MOB3A: variants seen among roughly 807,000 people sequenced by gnomAD.
MOB3A encodes MOB LAK.
MOB3A carries 17 observed loss-of-function variants against 17.8 expected under a neutral mutation model. That is an observed-to-expected ratio of 0.95 (90% CI 0.65 to 1.43). The LOEUF (loss-of-function observed/expected upper bound fraction) is 1.43. MOB3A is among the 40% of genes most tolerant of loss of function. The pLI is 0.00. For missense variants in MOB3A, 333 were observed against 310.8 expected (o/e 1.07, Z -0.54); for synonymous variants, 124 against 133.2 (o/e 0.93, Z 0.48).
chr19:2,089,741 G>C (rs1437546161), intron 1 of MOB3A, among the ~76,000 whole-genome samples: 1 of 152,146 alleles, frequency 6.6e-6, no homozygotes, highest in East Asian at 1.9e-4. Flanking sequence ...GTTTATTCTG[G>C]TGTCTGGTGT....
chr19:2,095,764 T>C (rs2017679418), intron 1 of MOB3A, among the ~76,000 whole-genome samples: 1 of 150,808 alleles, frequency 6.6e-6, no homozygotes, highest in South Asian at 2.1e-4. Context: ...GTTCTTTTTT[T>C]TTTTTCCCCC....
rs1568249823 is a variant in MOB3A, at chr19:2,073,206, C to A, written c.*189G>T. 1.5e-5 allele frequency: 10 copies of A among 673,860 alleles called. No individual in the cohort carries two copies. The allele number at this position is 673,860 out of a possible 1,614,324, so 41.7% of individuals were successfully genotyped here. On this transcript the variant is annotated 3_prime_UTR_variant, in exon 5 of 5. Coordinates refer to ENST00000357066, the MANE Select transcript of MOB3A (RefSeq NM_130807.3). ...TAGTCCCAGACGGGAGACTGAGGCT[C>A]GAGACTGAGGAAGGCATCTGCCGTC...
At chr19:2,073,518 C>T (rs750135805) in intron 4 of MOB3A, 94 bp from the exon 5 acceptor site, 266 of 1,554,502 alleles carry the variant, frequency 1.7e-4, no homozygotes, top group Non-Finnish European at 2.1e-4. Context: ...GGCAGAGAAA[C>T]GGCAGCTGGG....
intron 3 of MOB3A, among the ~76,000 whole-genome samples, chr19:2,077,407 A>G (rs1568251874): frequency 6.6e-6 from 1 of 152,030 alleles, no homozygotes; most frequent in Non-Finnish European, 1.5e-5. Context: ...GTCTCAAAAA[A>G]AAAAAGAAAA....
At chr19:2,087,870 A>G (rs1186231374) in intron 1 of MOB3A, among the ~76,000 whole-genome samples, 1 of 152,208 alleles carries the variant, frequency 6.6e-6, no homozygotes, top group East Asian at 1.9e-4. Context: ...CCAGGGCCGC[A>G]GGATCTGGGC....
chr19:2,094,124 G>A (rs1211055107), intron 1 of MOB3A, among the ~76,000 whole-genome samples: 1 of 141,874 alleles, frequency 7.0e-6, no homozygotes, highest in Non-Finnish European at 1.5e-5. Context: ...TCGGCTCACT[G>A]CAGGCTTCGC....
In MOB3A at chr19:2,082,334, C is replaced by T. The variant is rs914293160; in HGVS notation, c.-120+2841G>A. Among the ~76,000 whole-genome samples, 7 of 152,340 alleles carry T rather than the reference C, an allele frequency of 4.6e-5. No individual in the cohort carries two copies. Among genetic ancestry groups the T allele is most frequent in the East Asian group, 1.9e-4 (1 of 5,186 alleles). On this transcript the variant is annotated intron_variant, in intron 2 of 4. Coordinates refer to ENST00000357066, the MANE Select transcript of MOB3A (RefSeq NM_130807.3). This position sits in a 1 kb window ranked among gnomAD's most constrained non-coding sequence, Gnocchi z 4.1. The stretch of plus-strand genomic sequence containing the variant: ...CAAGGTGCTGAGCGGCATCCCTGGC[C>T]GCCGCCCCTCCCTGCCAGGAGCTCC...
chr19:2,083,452 G>A (rs551470731), intron 2 of MOB3A, among the ~76,000 whole-genome samples: 1 of 152,306 alleles, frequency 6.6e-6, no homozygotes, highest in East Asian at 1.9e-4. Context: ...CAGGAGAAGG[G>A]AAAATGCCGG....
intron 1 of MOB3A, among the ~76,000 whole-genome samples, chr19:2,091,453 G>A (rs897089891): frequency 2.6e-5 from 4 of 151,844 alleles, no homozygotes; most frequent in Admixed American, 1.3e-4. Context: ...GCGCAATCTC[G>A]GCTCACTGCA....
Position 2,093,831 on chromosome 19 carries a change from CA to C in MOB3A, c.-274+2394del, listed in dbSNP as rs1407318348. ...GTCCCTGGGGAAAGGGAAACACATC[CA>C]GGGGGTCCGGAGGACAGGGACGTGA... On this transcript the variant is annotated intron_variant, in intron 1 of 4. Transcript: ENST00000357066. The surrounding 1 kb of genome is among the most constrained non-coding windows in gnomAD (Gnocchi z 4.6). Among the ~76,000 whole-genome samples, 2 of 152,116 alleles carry C rather than the reference CA, an allele frequency of 1.3e-5. No homozygotes were observed. Among genetic ancestry groups the C allele is most frequent in the African/African-American group, 4.8e-5 (2 of 41,412 alleles).
chr19:2,084,558 G>C (rs1156753182), intron 2 of MOB3A, among the ~76,000 whole-genome samples: 2 of 152,010 alleles, frequency 1.3e-5, no homozygotes, highest in African/African-American at 4.8e-5. Flanking sequence ...TTGTGGACTG[G>C]CAGAGTTCCC....
chr19:2,079,455 C>T (rs1385818738), intron 2 of MOB3A, among the ~76,000 whole-genome samples: 1 of 152,232 alleles, frequency 6.6e-6, no homozygotes, highest in Non-Finnish European at 1.5e-5. Context: ...CAAACATCCT[C>T]AGGAGTGAGG....
chr19:2,092,665 C>G (rs1033947269), intron 1 of MOB3A, among the ~76,000 whole-genome samples: 1 of 142,342 alleles, frequency 7.0e-6, no homozygotes. Context: ...GGCTGAGGCA[C>G]GAGAATCTCT....
intron 4 of MOB3A, among the ~76,000 whole-genome samples, chr19:2,075,261 C>T (rs745944946): frequency 7.2e-5 from 11 of 152,114 alleles, no homozygotes; most frequent in Non-Finnish European, 1.5e-4. Context: ...AACTTCTGAG[C>T]TCGAGTGATT....
intron 1 of MOB3A, among the ~76,000 whole-genome samples, chr19:2,086,677 G>A (rs2017557724): frequency 1.3e-5 from 2 of 152,088 alleles, no homozygotes; most frequent in South Asian, 2.1e-4. Context: ...ACTTTTAAAC[G>A]TTACAACTGC....
At chr19:2,081,153 A>C (rs1411132121) in intron 2 of MOB3A, among the ~76,000 whole-genome samples, 1 of 151,922 alleles carries the variant, frequency 6.6e-6, no homozygotes, top group African/African-American at 2.4e-5. Flanking sequence ...GCAGAGCTGG[A>C]TCCTTCTGGA....
chr19:2,077,994 A>C, intron 3 of MOB3A, 146 bp downstream of exon 3: 1 of 810,874 alleles, frequency 1.2e-6, no homozygotes, highest in South Asian at 2.3e-5. Context: ...TATGTTGCCC[A>C]GGCTGAGCTC....
At position 2,076,951 on chromosome 19, in the gene MOB3A, C is replaced by A; in HGVS notation, c.484G>T (p.Val162Leu). The A allele has an allele frequency of 6.2e-7, 1 of 1,613,898 alleles. No homozygotes were observed. The highest frequency in any genetic ancestry group is 1.1e-5 in the South Asian group (1 of 91,086). Residue 162 changes from valine to leucine, a missense_variant, in exon 4 of 5, where the codon GTG (valine) becomes TTG (leucine). Coordinates refer to ENST00000357066, the MANE Select transcript of MOB3A (RefSeq NM_130807.3). Reference protein sequence around the residue: ...VRKILSRLFRVFVHVYIHHFD... With the variant: ...VRKILSRLFRLFVHVYIHHFD... Reference sequence around the variant, plus strand: ...TGGTGGATGTAGACGTGCACGAACACGCGGAACAGCCGCGACAGGATCTTC... The same window carrying A: ...TGGTGGATGTAGACGTGCACGAACAAGCGGAACAGCCGCGACAGGATCTTC...
chr19:2,083,496 C>T (rs550458499), intron 2 of MOB3A, among the ~76,000 whole-genome samples: 16 of 152,338 alleles, frequency 1.1e-4, no homozygotes, highest in African/African-American at 3.1e-4. Context: ...TGGCACTGAG[C>T]GAGATGCTCC....
Sources: allele counts gnomAD v4.1 joint callset (sites outside exome capture counted in the v4.1 genomes callset), GRCh38; gene constraint gnomAD v4.1.1; non-coding constraint Gnocchi (gnomAD v3.1); transcripts MANE v1.5; gene names NCBI Gene and HGNC (gene_info 2026-07-23, HGNC 2026-07-21).